The following ST6GALNAC3 variants were observed in gnomAD, a reference collection of about 807,000 sequenced individuals.
The protein encoded by ST6GALNAC3 is ST6 N-acetylgalactosaminide alpha-2,6-sialyltransferase 3, also known as alpha-N-acetylgalactosaminide alpha-2,6-sialyltransferase 3.
Under a neutral mutation model 32.7 loss-of-function variants are expected in ST6GALNAC3, and 25 were observed. That is an observed-to-expected ratio of 0.76 (90% CI 0.56 to 1.07). The LOEUF is 1.07. Ranked by LOEUF, ST6GALNAC3 falls within the 50% of genes least tolerant of loss-of-function variation. ST6GALNAC3 has a pLI of 0.00. For missense variants in ST6GALNAC3, 355 were observed against 382.4 expected, an observed-to-expected ratio of 0.93 and a Z score of 0.60; for synonymous variants, 129 against 133.1, an observed-to-expected ratio of 0.97 and a Z score of 0.21.
chr1:76,171,725 C>G (rs1652512584), intron 1 of ST6GALNAC3, among the ~76,000 whole-genome samples: 1 of 150,584 alleles, frequency 6.6e-6, no homozygotes, highest in South Asian at 2.1e-4. Context: ...TACACCCTAC[C>G]AAGACTAAAC....
intron 1 of ST6GALNAC3, among the ~76,000 whole-genome samples, chr1:76,263,217 A>G (rs1255778386): frequency 6.6e-6 from 1 of 152,200 alleles, no homozygotes; most frequent in Non-Finnish European, 1.5e-5. Flanking sequence ...AATCTCTGTC[A>G]GCTTCAGTTT....
At chr1:76,237,651 A>G (rs1191161617) in intron 1 of ST6GALNAC3, among the ~76,000 whole-genome samples, 1 of 152,132 alleles carries the variant, frequency 6.6e-6, no homozygotes, top group Non-Finnish European at 1.5e-5. Context: ...TCTTAGGGCC[A>G]TTTCTCATGG....
chr1:76,305,790 G>C, intron 1 of ST6GALNAC3: 1 of 442,106 alleles, frequency 2.3e-6, no homozygotes, highest in Non-Finnish European at 4.5e-6. Context: ...ATCAGTTAGA[G>C]AATTATTTAT....
chr1:76,512,006 A>G (rs929635009), intron 3 of ST6GALNAC3, among the ~76,000 whole-genome samples: 1 of 152,136 alleles, frequency 6.6e-6, no homozygotes, highest in African/African-American at 2.4e-5. Flanking sequence ...TGTCATGGCG[A>G]TCTGAGAAAT....
intron 3 of ST6GALNAC3, among the ~76,000 whole-genome samples, chr1:76,463,711 C>G (rs1426635078): frequency 6.6e-6 from 1 of 152,094 alleles, no homozygotes; most frequent in Non-Finnish European, 1.5e-5. Flanking sequence ...ATTCATCTTG[C>G]TTGGGTCTAC....
At chr1:76,377,295 C>T (rs1019158882) in intron 2 of ST6GALNAC3, among the ~76,000 whole-genome samples, 3 of 152,136 alleles carry the variant, frequency 2.0e-5, no homozygotes, top group African/African-American at 4.8e-5. Flanking sequence ...TAAGTTTGTT[C>T]TCACATTGCT....
chr1:76,502,065 G>A lies in ST6GALNAC3; in HGVS notation c.623+89648G>A, dbSNP rs904781748. On this transcript the variant is annotated intron_variant, in intron 3 of 4. Coordinates refer to ENST00000328299, the MANE Select transcript of ST6GALNAC3 (RefSeq NM_152996.4). Reference sequence around the variant, plus strand: ...CAGGCCAGTGTTGCTCCTCCTGTGCGCCTCTTATCAGGAAAAAAAATATCT... The same window carrying A: ...CAGGCCAGTGTTGCTCCTCCTGTGCACCTCTTATCAGGAAAAAAAATATCT... 4.6e-5 allele frequency among the ~76,000 whole-genome samples: 7 copies of A among 152,228 alleles called. No homozygotes were observed. The South Asian group carries it at 1.5e-3, about 32-fold the overall frequency.
At chr1:76,137,963 A>T (rs12142643) in intron 1 of ST6GALNAC3, among the ~76,000 whole-genome samples, 1 of 152,126 alleles carries the variant, frequency 6.6e-6, no homozygotes, top group African/African-American at 2.4e-5. Flanking sequence ...CTACTATTGC[A>T]TAACTTCAAC....
chr1:76,507,570 C>T (rs1661556972), intron 3 of ST6GALNAC3, among the ~76,000 whole-genome samples: 1 of 152,164 alleles, frequency 6.6e-6, no homozygotes, highest in Non-Finnish European at 1.5e-5. Flanking sequence ...GTAATGTTTT[C>T]AAGGTTCGTC....
At chr1:76,350,725 G>T (rs1458694447) in intron 2 of ST6GALNAC3, among the ~76,000 whole-genome samples, 2 of 152,070 alleles carry the variant, frequency 1.3e-5, no homozygotes, top group Non-Finnish European at 2.9e-5. Flanking sequence ...TGGATTAAAA[G>T]TATTATTTTA....
intron 3 of ST6GALNAC3, among the ~76,000 whole-genome samples, chr1:76,590,169 A>T (rs1351970297): frequency 2.0e-5 from 3 of 152,090 alleles, no homozygotes; most frequent in Non-Finnish European, 2.9e-5. Context: ...GGATCCATAG[A>T]TCTCTCTTTG....
At chr1:76,465,429 G>T (rs73006167) in intron 3 of ST6GALNAC3, among the ~76,000 whole-genome samples, 1 of 152,112 alleles carries the variant, frequency 6.6e-6, no homozygotes, top group Non-Finnish European at 1.5e-5. Context: ...TGTCAGTGTC[G>T]TCTCAATGGA....
In ST6GALNAC3 at chr1:76,440,133, G is replaced by A. The variant is rs545519511; in HGVS notation, c.623+27716G>A. Among the ~76,000 whole-genome samples the A allele has an allele frequency of 3.9e-5, 6 of 152,338 alleles. 1 individual carries two copies. The South Asian group carries it at 1.2e-3, about 32-fold the overall frequency. On this transcript the variant is annotated intron_variant, in intron 3 of 4. Coordinates refer to ENST00000328299, the MANE Select transcript of ST6GALNAC3 (RefSeq NM_152996.4). ...CTTTTTACAAGGCAAATGGCAAAGA[G>A]CTTCCTAGGCAGAGGCCAATAACCT...
chr1:76,474,421 G>A (rs756011132), intron 3 of ST6GALNAC3, among the ~76,000 whole-genome samples: 1 of 152,070 alleles, frequency 6.6e-6, no homozygotes, highest in Non-Finnish European at 1.5e-5. Flanking sequence ...AGGAGAAAGA[G>A]AAATAAAGAT....
intron 3 of ST6GALNAC3, among the ~76,000 whole-genome samples, chr1:76,434,410 T>G (rs930637740): frequency 6.6e-6 from 1 of 152,200 alleles, no homozygotes; most frequent in Non-Finnish European, 1.5e-5. Flanking sequence ...AGAATCAAGC[T>G]CACATAGTAT....
intron 1 of ST6GALNAC3, among the ~76,000 whole-genome samples, chr1:76,304,624 AGAG>A (rs1287424243): frequency 6.6e-6 from 1 of 152,012 alleles, no homozygotes; most frequent in Non-Finnish European, 1.5e-5. Flanking sequence ...GAGAGATGGG[AGAG>A]GAGACTTCCC....
chr1:76,464,396 T>C (rs1162131941), intron 3 of ST6GALNAC3, among the ~76,000 whole-genome samples: 1 of 152,200 alleles, frequency 6.6e-6, no homozygotes, highest in Non-Finnish European at 1.5e-5. Context: ...GTGATGTTGA[T>C]CATGACCCAT....
At chr1:76,442,756 C>T (rs1025954535) in intron 3 of ST6GALNAC3, among the ~76,000 whole-genome samples, 1 of 152,030 alleles carries the variant, frequency 6.6e-6, no homozygotes, top group Non-Finnish European at 1.5e-5. Flanking sequence ...CTTTTAGGAC[C>T]CCTCCTTTGG....
At position 76,201,208 on chromosome 1, in the gene ST6GALNAC3, A is replaced by G. The variant is rs144636870; in HGVS notation, c.19-112597A>G. Among the ~76,000 whole-genome samples the G allele has an allele frequency of 3.9e-3, 590 of 152,310 alleles. 17 individuals are homozygous for G. The highest frequency in any genetic ancestry group is 0.032 in the East Asian group (166 of 5,178). ...CCTGAGACTGGGTAATTTATAAAGG[A>G]AAGAGGTTTCATTGACTCACAGTTC... On this transcript the variant is annotated intron_variant, in intron 1 of 4. Coordinates refer to ENST00000328299, the MANE Select transcript of ST6GALNAC3 (RefSeq NM_152996.4).
Sources: allele counts gnomAD v4.1 joint callset (sites outside exome capture counted in the v4.1 genomes callset), GRCh38; gene constraint gnomAD v4.1.1; transcripts MANE v1.5; gene names NCBI Gene and HGNC (gene_info 2026-07-23, HGNC 2026-07-21).